The following PUS7L variants were observed in gnomAD, a reference collection of about 807,000 sequenced individuals.
PUS7L encodes the protein pseudouridine synthase 7 like, also known as pseudouridylate synthase PUS7L.
PUS7L carries 49 observed loss-of-function variants against 51.1 expected under a neutral mutation model. That is an observed-to-expected ratio of 0.96 (90% CI 0.76 to 1.22). PUS7L has a LOEUF of 1.22. Among genes scored for constraint, PUS7L ranks in the 50% most tolerant of loss-of-function variants. The probability of loss-of-function intolerance (pLI) is 0.00; values close to 1 mark genes in which losing one functional copy is unlikely to be tolerated. For missense variants in PUS7L, 828 were observed against 820.6 expected (o/e 1.01, Z -0.11); for synonymous variants, 277 against 276.2 (o/e 1.00, Z -0.03).
At chr12:43,742,691 A>G in intron 4 of PUS7L, 136 bp from the exon 5 acceptor site, 1 of 1,248,458 alleles carries the variant, frequency 8.0e-7, no homozygotes, top group East Asian at 3.2e-5. Flanking sequence ...TAGGGACCAA[A>G]TGGTCTGAAA....
Position 43,719,577 on chromosome 12 carries a change from C to G in PUS7L, c.*10799G>C, listed in dbSNP as rs1220937289. On this transcript the variant is annotated 3_prime_UTR_variant, in exon 9 of 9. Transcript: ENST00000344862. ...TATTTTTTTGAATGTCTAGTAGAAC[C>G]AACCATTGAACACATCTGGCCCTGA... 3 of 151,932 alleles carry G rather than the reference C, an allele frequency of 2.0e-5. No individual in the cohort carries two copies. The highest frequency in any genetic ancestry group is 4.4e-5 in the Non-Finnish European group (3 of 67,994). 9.4% of individuals were successfully genotyped at this position (151,932 alleles called of 1,614,324 possible).
At position 43,746,214 on chromosome 12, in the gene PUS7L, A is replaced by G; in HGVS notation, c.1095T>C (p.Ile365=). 7.0e-7 allele frequency: 1 copy of G among 1,419,648 alleles called. No homozygotes were observed. The allele number at this position is 1,419,648 out of a possible 1,614,324, so 87.9% of individuals were successfully genotyped here. Residue 365 remains isoleucine, a synonymous_variant, in exon 4 of 9, where the codon ATT becomes ATC. Transcript: ENST00000344862. ...TAAAGACATTCATTCTTTTCTTTTCAATTTCTTTTTCAATATTTTTCAACC... is the reference window on the plus strand; with the variant it reads ...TAAAGACATTCATTCTTTTCTTTTCGATTTCTTTTTCAATATTTTTCAACC... ...PERLKNIEKE[I]EKKRMNVFNI...
At chr12:43,736,725 T>G in intron 6 of PUS7L, 64 bp from the exon 7 acceptor site, 1 of 1,459,708 alleles carries the variant, frequency 6.9e-7, no homozygotes, top group Non-Finnish European at 9.4e-7. Context: ...TATAAAGGCT[T>G]TTGTTCTAAT....
chr12:43,752,831 T>C (rs866958149), intron 2 of PUS7L, among the ~76,000 whole-genome samples: 7 of 152,326 alleles, frequency 4.6e-5, no homozygotes, highest in Admixed American at 2.6e-4. Context: ...ACCATGTGAC[T>C]GTCCTCAATG....
intron 2 of PUS7L, 135 bp from the exon 3 acceptor site, chr12:43,748,744 T>TTTTGA (rs1938298507): frequency 1.3e-6 from 1 of 766,972 alleles, no homozygotes; most frequent in South Asian, 2.0e-5. Flanking sequence ...TGTTGTTTTG[T>TTTTGA]GATGGAGTGT....
rs1468511897 is a variant in PUS7L at position 43,754,915 on chromosome 12, T to C, written c.331A>G (p.Ile111Val). 1 of 1,613,700 alleles carries C rather than the reference T, an allele frequency of 6.2e-7. No homozygotes were observed. The highest frequency in any genetic ancestry group is 8.5e-7 in the Non-Finnish European group (1 of 1,179,786). ...HQSGSEKEDTIVDGTSKCEEK... is the reference protein window; with the variant it reads ...HQSGSEKEDTVVDGTSKCEEK... Reference sequence around the variant, plus strand: ...TCACATTTGGAAGTTCCATCAACGATAGTATCTTCCTTTTCTGAACCAGAC... The same window carrying C: ...TCACATTTGGAAGTTCCATCAACGACAGTATCTTCCTTTTCTGAACCAGAC... Residue 111 changes from isoleucine to valine, a missense_variant, in exon 2 of 9, where the codon ATC (isoleucine) becomes GTC (valine). Coordinates refer to ENST00000344862, the MANE Select transcript of PUS7L (RefSeq NM_031292.5).
At chr12:43,753,017 T>A (rs946239579) in intron 2 of PUS7L, among the ~76,000 whole-genome samples, 3 of 122,754 alleles carry the variant, frequency 2.4e-5, no homozygotes, top group African/African-American at 4.4e-5. Context: ...GTTCTATAAT[T>A]TTTTTACTCA....
At chr12:43,740,618 T>C (rs1033742716) in intron 5 of PUS7L, among the ~76,000 whole-genome samples, 5 of 152,068 alleles carry the variant, frequency 3.3e-5, no homozygotes, top group Admixed American at 3.3e-4. Context: ...ATATAGTTTT[T>C]TAGCTGCAGG....
chr12:43,749,485 C>T (rs569307430), intron 2 of PUS7L, among the ~76,000 whole-genome samples: 1 of 152,030 alleles, frequency 6.6e-6, no homozygotes, highest in South Asian at 2.1e-4. Flanking sequence ...CAATCTAAGA[C>T]CAGGCTGGGC....
rs1592155203 is a variant in PUS7L at position 43,730,202 on chromosome 12, C to T, written c.*174G>A. 1.7e-6 allele frequency: 1 copy of T among 574,918 alleles called. No homozygotes were observed. The highest frequency in any genetic ancestry group is 1.9e-5 in the African/African-American group (1 of 53,772). 35.6% of individuals were successfully genotyped at this position (574,918 alleles called of 1,614,324 possible). ...CATGGACCTTAAATTTGGACCCTGA[C>T]ACTTACATATCCTCTATAAAATTAC... On this transcript the variant is annotated 3_prime_UTR_variant, in exon 9 of 9. Coordinates refer to ENST00000344862, the MANE Select transcript of PUS7L (RefSeq NM_031292.5).
chr12:43,730,554 T>C lies in PUS7L; in HGVS notation c.1928A>G (p.Gln643Arg), dbSNP rs1432635870. 1.2e-6 allele frequency: 2 copies of C among 1,613,914 alleles called. No homozygotes were observed. Among genetic ancestry groups the C allele is most frequent in the East Asian group, 2.2e-5 (1 of 44,822 alleles). The change falls in exon 9 of 9, where the codon CAG (glutamine) becomes CGG (arginine). Residue 643 changes from glutamine (Q) to arginine (R), a missense_variant. Gln to Arg is a conservative substitution (Grantham distance 43). Transcript: ENST00000344862. ...LKLNIPGCYR[Q>R]ILKHPCNLSY... ...GAGATTACAGGGATGTTTCAAAATC[T>C]GTCTATAGCAACCTGGTATATTCAG... is the stretch of plus-strand genomic sequence containing the variant.
intron 4 of PUS7L, among the ~76,000 whole-genome samples, chr12:43,743,901 C>CA (rs1938036110): frequency 6.6e-6 from 1 of 152,134 alleles, no homozygotes; most frequent in African/African-American, 2.4e-5. Context: ...ATTAACCCTT[C>CA]AAAGTACTTA....
rs1944366493 is a variant in PUS7L at position 43,719,187 on chromosome 12, A to G, written c.*11189T>C. ...TGAAATAGAGATGCAAAAATCCTAA[A>G]CAAAATATTAACAAATAATGTGATT... is the stretch of plus-strand genomic sequence containing the variant. On this transcript the variant is annotated 3_prime_UTR_variant, in exon 9 of 9. Transcript: ENST00000344862. 1 of 152,128 alleles carries G rather than the reference A, an allele frequency of 6.6e-6. No individual in the cohort carries two copies. The highest frequency in any genetic ancestry group is 2.4e-5 in the African/African-American group (1 of 41,434). The allele number at this position is 152,128 out of a possible 1,614,324, so 9.4% of individuals were successfully genotyped here. A position where few individuals can be genotyped will look rare whatever the true frequency, so the allele number is the denominator to read the frequency against.
intron 5 of PUS7L, among the ~76,000 whole-genome samples, chr12:43,742,211 G>A (rs1273700166): frequency 3.3e-5 from 5 of 152,176 alleles, no homozygotes; most frequent in Admixed American, 3.3e-4. Context: ...AAATTGGAAA[G>A]TGATGGTCAT....
chr12:43,758,138 A>T (rs1416866656), intron 1 of PUS7L: 1 of 197,108 alleles, frequency 5.1e-6, no homozygotes, highest in Admixed American at 6.5e-5. Flanking sequence ...GGTCAAGAAC[A>T]TAGCTGTAGG....
chr12:43,720,358 C>T lies in PUS7L; in HGVS notation c.*10018G>A, dbSNP rs1463397362. The T allele has an allele frequency of 6.6e-6, 1 of 152,200 alleles. No homozygotes were observed. Among genetic ancestry groups the T allele is most frequent in the African/African-American group, 2.4e-5 (1 of 41,440 alleles). 9.4% of individuals were successfully genotyped at this position (152,200 alleles called of 1,614,324 possible). A position where few individuals can be genotyped will look rare whatever the true frequency, so the allele number is the denominator to read the frequency against. On this transcript the variant is annotated 3_prime_UTR_variant, in exon 9 of 9. Coordinates refer to ENST00000344862, the MANE Select transcript of PUS7L (RefSeq NM_031292.5). ...AATTAGCTGGGTATGGTGGCACACG[C>T]CTGTAATCCTAGCTCCTTGGGAGGC... is the stretch of plus-strand genomic sequence containing the variant.
chr12:43,755,230 C>T lies in PUS7L; in HGVS notation c.16G>A (p.Asp6Asn). The T allele has an allele frequency of 6.3e-7, 1 of 1,593,206 alleles. No homozygotes were observed. Among genetic ancestry groups the T allele is most frequent in the African/African-American group, 1.4e-5 (1 of 73,806 alleles). Residue 6 changes from aspartate (D) to asparagine (N), a missense_variant, in exon 2 of 9, where the codon GAT becomes AAT. Asp to Asn is a conservative substitution (Grantham distance 23, BLOSUM62 1). Transcript: ENST00000344862. ...AAAGAACTAAACCTGATTCTATAAT[C>T]TGTATCTTCTTCCATTCTTCTATAA... MEEDT[D>N]YRIRFSSLCF...
Position 43,758,719 on chromosome 12 carries a change from A to T in PUS7L, c.-17+11T>A. The T allele has an allele frequency of 3.1e-6, 3 of 952,646 alleles. No individual in the cohort carries two copies. Among genetic ancestry groups the T allele is most frequent in the Non-Finnish European group, 3.7e-6 (3 of 820,470 alleles). 59.0% of individuals were successfully genotyped at this position (952,646 alleles called of 1,614,324 possible). On this transcript the variant is annotated intron_variant, in intron 1 of 8. Transcript: ENST00000344862. ...AGCCCACCATCGCGCAAGAAACTCG[A>T]CCCCGTCTACCTCGGTTCAGTGGAA...
In PUS7L at chr12:43,724,916, C is replaced by T. The variant is rs1944435452; in HGVS notation, c.*5460G>A. The T allele has an allele frequency of 6.6e-6, 1 of 152,084 alleles. No homozygotes were observed. Among genetic ancestry groups the T allele is most frequent in the South Asian group, 2.1e-4 (1 of 4,822 alleles). 9.4% of individuals were successfully genotyped at this position (152,084 alleles called of 1,614,324 possible). ...ATAAACAGGAAGCCAGAATTGATTA[C>T]CATAAATAAAAGGGAAGATAAATTC... is the stretch of plus-strand genomic sequence containing the variant. On this transcript the variant is annotated 3_prime_UTR_variant, in exon 9 of 9. Coordinates refer to ENST00000344862, the MANE Select transcript of PUS7L (RefSeq NM_031292.5).
Sources: allele counts gnomAD v4.1 joint callset (sites outside exome capture counted in the v4.1 genomes callset), GRCh38; gene constraint gnomAD v4.1.1; transcripts MANE v1.5; gene names NCBI Gene and HGNC (gene_info 2026-07-23, HGNC 2026-07-21).